Variants in KCNH8 observed in about 807,000 individuals in gnomAD.
The protein encoded by KCNH8 is voltage-gated delayed rectifier potassium channel KCNH8.
A neutral mutation model predicts 103.6 loss-of-function variants in KCNH8; 70 were observed. The observed-to-expected ratio is 0.68, with a 90% CI of 0.56 to 0.82. The LOEUF (loss-of-function observed/expected upper bound fraction) is 0.82, where lower values mean the gene tolerates loss of function less well. KCNH8 is among the 40% of genes least tolerant of loss of function. KCNH8 has a pLI of 0.00. For synonymous variants in KCNH8, 498 were observed against 489.4 expected (o/e 1.02, Z -0.23); for missense variants, 1,217 against 1,329.9 (o/e 0.92, Z 1.32).
intron 2 of KCNH8, among the ~76,000 whole-genome samples, chr3:19,263,872 A>G (rs1051943064): frequency 2.6e-5 from 4 of 152,026 alleles, no homozygotes; most frequent in African/African-American, 9.7e-5. Flanking sequence ...GCAAGAGAGC[A>G]TTTGGTTCTG....
chr3:19,529,278 C>G (rs1394324837), intron 15 of KCNH8, among the ~76,000 whole-genome samples: 1 of 152,112 alleles, frequency 6.6e-6, no homozygotes, highest in South Asian at 2.1e-4. Flanking sequence ...TTGATCAGAA[C>G]GATTTTGTTT....
intron 7 of KCNH8, among the ~76,000 whole-genome samples, chr3:19,403,171 T>G (rs1478324159): frequency 6.6e-6 from 1 of 151,476 alleles, no homozygotes; most frequent in Admixed American, 6.6e-5. Context: ...TTTGGTTTTC[T>G]GATTTATAAA....
chr3:19,498,645 C>T (rs549619796), intron 11 of KCNH8, among the ~76,000 whole-genome samples: 14 of 152,306 alleles, frequency 9.2e-5, no homozygotes, highest in South Asian at 2.1e-4. Flanking sequence ...CTTTGGAGGA[C>T]GAGAGGTGCT....
At chr3:19,252,582 GTTTCACCATA>G (rs910324397) in intron 1 of KCNH8, among the ~76,000 whole-genome samples, 5 of 151,922 alleles carry the variant, frequency 3.3e-5, no homozygotes, top group African/African-American at 1.2e-4. Context: ...TAGGGATGGG[GTTTCACCATA>G]TTGGCCAGGC....
rs199963340 is a variant in KCNH8 at position 19,239,677 on chromosome 3, T to C, written c.77-13977T>C. 8.2e-5 allele frequency among the ~76,000 whole-genome samples: 12 copies of C among 145,808 alleles called. No individual in the cohort carries two copies. In the East Asian group the frequency reaches 1.1e-3, roughly 13 times the overall value. Reference sequence around the variant, plus strand: ...ATCTATCTATCTATCTATCTATCTATCTATCTACCTACCTACCTATCTATC... The same window carrying C: ...ATCTATCTATCTATCTATCTATCTACCTATCTACCTACCTACCTATCTATC... On this transcript the variant is annotated intron_variant, in intron 1 of 15. Coordinates refer to ENST00000328405, the MANE Select transcript of KCNH8 (RefSeq NM_144633.3).
chr3:19,226,865 C>T lies in KCNH8; in HGVS notation c.77-26789C>T, dbSNP rs1427914816. On this transcript the variant is annotated intron_variant, in intron 1 of 15. Coordinates refer to ENST00000328405, the MANE Select transcript of KCNH8 (RefSeq NM_144633.3). ...GATTTTCAATAACAGGAAAAAACAC[C>T]CATATACATTAGATCTATGATTTGT... Among the ~76,000 whole-genome samples the T allele has an allele frequency of 2.0e-5, 3 of 152,110 alleles. No individual in the cohort carries two copies. The East Asian group carries it at 5.8e-4, about 29-fold the overall frequency.
intron 2 of KCNH8, among the ~76,000 whole-genome samples, chr3:19,271,174 G>A (rs904510643): frequency 6.6e-6 from 1 of 152,048 alleles, no homozygotes; most frequent in Non-Finnish European, 1.5e-5. Flanking sequence ...TTGGCAGAAA[G>A]CTCATGAAAC....
At chr3:19,480,372 A>G (rs2068063303) in intron 11 of KCNH8, among the ~76,000 whole-genome samples, 1 of 152,220 alleles carries the variant, frequency 6.6e-6, no homozygotes, top group Non-Finnish European at 1.5e-5. Context: ...GCTGGGTCCC[A>G]AACATTGTTA....
At chr3:19,151,926 T>C (rs1016105230) in intron 1 of KCNH8, among the ~76,000 whole-genome samples, 1 of 152,100 alleles carries the variant, frequency 6.6e-6, no homozygotes, top group Non-Finnish European at 1.5e-5. Flanking sequence ...TGTATTTAAC[T>C]GAAGTGTAGT....
intron 5 of KCNH8, among the ~76,000 whole-genome samples, chr3:19,384,213 T>C (rs1273491426): frequency 6.6e-6 from 1 of 152,210 alleles, no homozygotes; most frequent in Non-Finnish European, 1.5e-5. Flanking sequence ...GCAAGCAAGA[T>C]CACAGATAGT....
Position 19,512,979 on chromosome 3 carries a change from A to C in KCNH8, c.2089A>C (p.Lys697Gln). ...TTATCCACTGATTTAGTCAGAGCCC[A>C]AGGGAAATGGCAACATCAACAAGCG... ...NKSMVSQSEPKGNGNINKRLP... is the reference protein window; with the variant it reads ...NKSMVSQSEPQGNGNINKRLP... Residue 697 changes from lysine to glutamine, a missense_variant, in exon 13 of 16, where the codon AAG (lysine) becomes CAG (glutamine). Coordinates refer to ENST00000328405, the MANE Select transcript of KCNH8 (RefSeq NM_144633.3). 6.2e-7 allele frequency: 1 copy of C among 1,613,244 alleles called. No homozygotes were observed.
chr3:19,471,054 A>C (rs1410715600), intron 11 of KCNH8, among the ~76,000 whole-genome samples: 1 of 152,142 alleles, frequency 6.6e-6, no homozygotes, highest in African/African-American at 2.4e-5. Flanking sequence ...TTGAACAGTA[A>C]GCAGTTAGAT....
intron 11 of KCNH8, among the ~76,000 whole-genome samples, chr3:19,485,121 G>A (rs1431367105): frequency 6.6e-6 from 1 of 152,128 alleles, no homozygotes; most frequent in Non-Finnish European, 1.5e-5. Context: ...TAATGCCTTT[G>A]CTGTTTTCTG....
intron 1 of KCNH8, among the ~76,000 whole-genome samples, chr3:19,227,444 T>C (rs2063944766): frequency 6.6e-6 from 1 of 152,226 alleles, no homozygotes. Context: ...AAGATCAACA[T>C]ATACAAGAGA....
chr3:19,533,312 C>A (rs2069199173), intron 15 of KCNH8, 83 bp from the exon 16 acceptor site: 1 of 805,800 alleles, frequency 1.2e-6, no homozygotes, highest in Non-Finnish European at 2.1e-6. Context: ...AAAGAAATAT[C>A]ACTTCCCTGC....
At chr3:19,197,645 T>C (rs907896084) in intron 1 of KCNH8, among the ~76,000 whole-genome samples, 1 of 151,980 alleles carries the variant, frequency 6.6e-6, no homozygotes, top group Non-Finnish European at 1.5e-5. Flanking sequence ...CTTGGGCAAG[T>C]TATCTAAATT....
At chr3:19,498,438 G>A (rs575516691) in intron 11 of KCNH8, among the ~76,000 whole-genome samples, 1 of 152,222 alleles carries the variant, frequency 6.6e-6, no homozygotes, top group African/African-American at 2.4e-5. Context: ...AGGCAGGCAT[G>A]GTGGTAATGA....
chr3:19,316,221 T>A (rs1380895565), intron 3 of KCNH8, among the ~76,000 whole-genome samples: 1 of 151,970 alleles, frequency 6.6e-6, no homozygotes, highest in Non-Finnish European at 1.5e-5. Context: ...TAGTTATTTG[T>A]TGTGGGGGAC....
At chr3:19,331,027 TAATC>T (rs1406721162) in intron 3 of KCNH8, among the ~76,000 whole-genome samples, 1 of 152,110 alleles carries the variant, frequency 6.6e-6, no homozygotes, top group Non-Finnish European at 1.5e-5. Context: ...TACCAAATAA[TAATC>T]AGTTCACTGT....
Sources: allele counts gnomAD v4.1 joint callset (sites outside exome capture counted in the v4.1 genomes callset), GRCh38; gene constraint gnomAD v4.1.1; transcripts MANE v1.5; gene names NCBI Gene and HGNC (gene_info 2026-07-23, HGNC 2026-07-21).